DCC: variants seen among roughly 807,000 people sequenced by gnomAD.
DCC encodes the protein netrin receptor DCC.
A neutral mutation model predicts 172.5 loss-of-function variants in DCC; 58 were observed. That is an observed-to-expected ratio of 0.34 (90% confidence interval 0.27 to 0.42). DCC has a LOEUF of 0.42. Ranked by LOEUF, DCC falls within the 10% of genes least tolerant of loss-of-function variation. The probability of loss-of-function intolerance (pLI) is 1.00; values close to 1 mark genes in which losing one functional copy is unlikely to be tolerated. For missense variants in DCC, 1,740 were observed against 1,791.0 expected (o/e 0.97, Z 0.51); for synonymous variants, 709 against 644.5 (o/e 1.10, Z -1.52).
chr18:52,854,695 G>T (rs2039024962), intron 2 of DCC, among the ~76,000 whole-genome samples: 1 of 152,162 alleles, frequency 6.6e-6, no homozygotes. Flanking sequence ...GAATCGCCTT[G>T]TAAGCACTTG....
intron 15 of DCC, among the ~76,000 whole-genome samples, chr18:53,361,196 A>G (rs895838042): frequency 7.9e-5 from 12 of 152,128 alleles, no homozygotes; most frequent in Non-Finnish European, 1.5e-4. Context: ...GGATCCTCTC[A>G]TAGGCCTTCA....
chr18:52,715,727 T>C (rs188824563), intron 1 of DCC, among the ~76,000 whole-genome samples: 10 of 152,214 alleles, frequency 6.6e-5, no homozygotes, highest in Admixed American at 5.2e-4. Flanking sequence ...TGGCTGTGCT[T>C]AGGGTTCTTG....
intron 1 of DCC, among the ~76,000 whole-genome samples, chr18:52,423,934 C>G (rs374380270): frequency 2.6e-5 from 4 of 152,088 alleles, no homozygotes; most frequent in African/African-American, 9.7e-5. Context: ...TTTTCCAAGA[C>G]CCTTTCGCTT....
chr18:52,839,942 C>T (rs1042939968), intron 2 of DCC, among the ~76,000 whole-genome samples: 1 of 152,246 alleles, frequency 6.6e-6, no homozygotes, highest in Admixed American at 6.5e-5. Context: ...TTCACTTCTT[C>T]CCACTACAGG....
intron 1 of DCC, among the ~76,000 whole-genome samples, chr18:52,512,188 G>T (rs569586986): frequency 2.0e-5 from 3 of 152,120 alleles, no homozygotes; most frequent in African/African-American, 7.2e-5. Flanking sequence ...ACTATAAAAG[G>T]GTTGTGCAAT....
intron 5 of DCC, among the ~76,000 whole-genome samples, chr18:52,953,226 T>C (rs1046530193): frequency 2.0e-5 from 3 of 152,126 alleles, no homozygotes; most frequent in Admixed American, 2.0e-4. Context: ...TATTTCAAAG[T>C]CATTGTGAAC....
intron 13 of DCC, among the ~76,000 whole-genome samples, chr18:53,312,719 G>T (rs1174575079): frequency 1.4e-5 from 2 of 144,668 alleles, no homozygotes; most frequent in East Asian, 4.3e-4. Flanking sequence ...TGAGGCGGGA[G>T]AATGGCTTGA....
chr18:52,355,400 C>T (rs1450818384), intron 1 of DCC, among the ~76,000 whole-genome samples: 1 of 152,098 alleles, frequency 6.6e-6, no homozygotes, highest in African/African-American at 2.4e-5. Flanking sequence ...ATTATGTACA[C>T]GTGGGTGCAA....
chr18:52,740,303 G>C (rs16955443), intron 1 of DCC, among the ~76,000 whole-genome samples: 10,935 of 152,202 alleles, frequency 0.072, 442 homozygotes, highest in Middle Eastern at 0.14. Flanking sequence ...TTGGTGCTTA[G>C]TTCCAAAGCT....
intron 7 of DCC, among the ~76,000 whole-genome samples, chr18:53,149,534 G>A (rs186901624): frequency 4.7e-4 from 72 of 152,232 alleles, no homozygotes; most frequent in Admixed American, 4.1e-3. Context: ...TAGCCACCTC[G>A]CCAAGCTGCC....
At chr18:53,026,735 TA>T (rs1191792736) in intron 5 of DCC, among the ~76,000 whole-genome samples, 4 of 151,982 alleles carry the variant, frequency 2.6e-5, no homozygotes, top group African/African-American at 4.8e-5. Context: ...TTTTTACTTT[TA>T]TTTTTTTTTA....
chr18:52,616,006 T>C (rs2034374381), intron 1 of DCC, among the ~76,000 whole-genome samples: 1 of 152,150 alleles, frequency 6.6e-6, no homozygotes, highest in African/African-American at 2.4e-5. Context: ...TTATAAAACA[T>C]TTGCAAAGGT....
chr18:53,473,140 C>T (rs960158461), intron 25 of DCC, among the ~76,000 whole-genome samples: 1 of 152,054 alleles, frequency 6.6e-6, no homozygotes, highest in Non-Finnish European at 1.5e-5. Context: ...ATAATGACTC[C>T]CTTTTATATG....
At chr18:53,161,729 C>G (rs2054842320) in intron 8 of DCC, among the ~76,000 whole-genome samples, 4 of 152,134 alleles carry the variant, frequency 2.6e-5, no homozygotes, top group African/African-American at 9.7e-5. Flanking sequence ...CTTCATATTT[C>G]TCATTATCAG....
rs186631911 is a variant in DCC, at chr18:52,574,613, C to T, written c.92-177441C>T. The stretch of plus-strand genomic sequence containing the variant: ...AGAAATTTCACTTGAATAAATTCTA[C>T]TCGCTGAGTCATTGCAATCATAGAT... On this transcript the variant is annotated intron_variant, in intron 1 of 28. Transcript: ENST00000442544. 1.3e-4 allele frequency among the ~76,000 whole-genome samples: 20 copies of T among 152,300 alleles called. 1 individual carries two copies. Among genetic ancestry groups the T allele is most frequent in the Admixed American group, 2.6e-4 (4 of 15,298 alleles).
intron 2 of DCC, among the ~76,000 whole-genome samples, chr18:52,841,512 C>G (rs1040418424): frequency 2.6e-5 from 4 of 152,146 alleles, no homozygotes; most frequent in Admixed American, 2.6e-4. Flanking sequence ...AAAAGGCATT[C>G]TGTCCGAGAA....
intron 15 of DCC, among the ~76,000 whole-genome samples, chr18:53,363,660 T>C (rs1027225438): frequency 6.6e-6 from 1 of 152,180 alleles, no homozygotes; most frequent in Admixed American, 6.6e-5. Flanking sequence ...CTATATGTTT[T>C]CTTCCCAGAT....
rs2040997723 is a variant in DCC, at chr18:52,969,655, C to G, written c.985+44285C>G. On this transcript the variant is annotated intron_variant, in intron 5 of 28. Transcript: ENST00000442544. ...ACTCTCTGTGTCTCTCTCTCTCTTT[C>G]TCATCAGTCCTCTCCAACATTCTAA... is the stretch of plus-strand genomic sequence containing the variant. Among the ~76,000 whole-genome samples, 3 of 148,562 alleles carry G rather than the reference C, an allele frequency of 2.0e-5. 1 individual carries two copies. In the South Asian group the frequency reaches 6.5e-4, roughly 32 times the overall value.
intron 13 of DCC, among the ~76,000 whole-genome samples, chr18:53,320,814 A>G (rs1162423444): frequency 6.6e-6 from 1 of 152,198 alleles, no homozygotes; most frequent in African/African-American, 2.4e-5. Context: ...AAACCTGAAT[A>G]ATATTAATAA....
Sources: gnomAD v4.1 joint callset for allele counts (sites outside exome capture counted in the v4.1 genomes callset) on GRCh38, gnomAD v4.1.1 for gene constraint, MANE v1.5 for transcripts, NCBI Gene and HGNC (gene_info 2026-07-23, HGNC 2026-07-21) for gene names.